NADSYN1: variants seen among roughly 807,000 people sequenced by gnomAD.
NADSYN1 encodes the protein glutamine-dependent NAD(+) synthetase.
NADSYN1 carries 80 observed loss-of-function variants against 99.3 expected under a neutral mutation model. The ratio of observed to expected loss-of-function variants is 0.81; its 90% CI spans 0.67 to 0.97. NADSYN1 has a LOEUF of 0.97. Ranked by LOEUF, NADSYN1 falls within the 50% of genes least tolerant of loss-of-function variation. NADSYN1 has a pLI of 0.00. For synonymous variants in NADSYN1, 385 were observed against 372.1 expected (o/e 1.03, Z -0.40); for missense variants, 859 against 948.5 (o/e 0.91, Z 1.24).
intron 16 of NADSYN1, among the ~76,000 whole-genome samples, chr11:71,486,796 C>CTTTT (rs57662255): frequency 6.6e-5 from 4 of 60,968 alleles, no homozygotes; most frequent in African/African-American, 2.3e-4. Context: ...GCGTGAGTGT[C>CTTTT]TTTTTTTTTT....
intron 11 of NADSYN1, 145 bp from the exon 12 acceptor site, chr11:71,481,211 C>A: frequency 1.2e-6 from 1 of 800,540 alleles, no homozygotes; most frequent in Non-Finnish European, 2.1e-6. Context: ...TCCCTTCTCA[C>A]GAGGTGCCTA....
At chr11:71,474,714 G>T (rs1434306227) in intron 9 of NADSYN1, 188 bp downstream of exon 9, 1 of 618,514 alleles carries the variant, frequency 1.6e-6, no homozygotes, top group Admixed American at 2.7e-5. Flanking sequence ...AGCCCCCGGG[G>T]GTCCCGCCTG....
intron 5 of NADSYN1, among the ~76,000 whole-genome samples, chr11:71,466,365 C>T (rs1790342): frequency 9.9e-5 from 15 of 152,206 alleles, no homozygotes; most frequent in African/African-American, 2.7e-4. Context: ...CCCTGTCTCC[C>T]AGGCCTAGTG....
chr11:71,495,367 A>G (rs1425664420), intron 18 of NADSYN1, among the ~76,000 whole-genome samples: 1 of 152,160 alleles, frequency 6.6e-6, no homozygotes, highest in Non-Finnish European at 1.5e-5. Context: ...TTTTATTCCA[A>G]TGTGGTGAGA....
chr11:71,498,168 C>G (rs747183074), intron 19 of NADSYN1, among the ~76,000 whole-genome samples, 184 bp from the exon 20 acceptor site: 5 of 152,190 alleles, frequency 3.3e-5, no homozygotes, highest in African/African-American at 1.2e-4. Flanking sequence ...AGGGGGACCC[C>G]GGTTTCATAG....
intron 9 of NADSYN1, 64 bp downstream of exon 9, chr11:71,474,590 C>G: frequency 1.2e-6 from 2 of 1,604,064 alleles, no homozygotes; most frequent in Non-Finnish European, 1.7e-6. Flanking sequence ...GCTCCTGGCT[C>G]TCCCCTGTAA....
In NADSYN1 at chr11:71,464,160, C is replaced by T. The variant is rs972883999; in HGVS notation, c.407+18C>T. 8 of 1,588,486 alleles carry T rather than the reference C, an allele frequency of 5.0e-6. No homozygotes were observed. Among genetic ancestry groups the T allele is most frequent in the Non-Finnish European group, 6.9e-6 (8 of 1,164,840 alleles). On this transcript the variant is annotated intron_variant, in intron 5 of 20. Coordinates refer to ENST00000319023, the MANE Select transcript of NADSYN1 (RefSeq NM_018161.5). ...AGGAGTCGGTGAGTCGGGTGCCTGA[C>T]CACTCCTGGGATGTGCGTTAAGCAC...
At chr11:71,473,859 A>G (rs1464886383) in intron 8 of NADSYN1, among the ~76,000 whole-genome samples, 173 bp downstream of exon 8, 1 of 152,202 alleles carries the variant, frequency 6.6e-6, no homozygotes, top group Non-Finnish European at 1.5e-5. Flanking sequence ...CTTCGCCGGC[A>G]CAGCCCATCT....
At chr11:71,472,534 C>T (rs375803425) in intron 6 of NADSYN1, 34 bp downstream of exon 6, 198 of 1,590,942 alleles carry the variant, frequency 1.2e-4, no homozygotes, top group Non-Finnish European at 1.5e-4. Context: ...GTTTTTCAGT[C>T]GGTTGTCGCT....
At chr11:71,461,726 C>A (rs182384177) in intron 3 of NADSYN1, among the ~76,000 whole-genome samples, 1 of 152,208 alleles carries the variant, frequency 6.6e-6, no homozygotes, top group Non-Finnish European at 1.5e-5. Flanking sequence ...AGCACCCAGT[C>A]GCTACACACT....
At position 71,480,325 on chromosome 11, in the gene NADSYN1, C is replaced by T. The variant is rs1457843757; in HGVS notation, c.874-430C>T. 1.1e-5 allele frequency: 2 copies of T among 180,878 alleles called. 1 individual carries two copies. Among genetic ancestry groups the T allele is most frequent in the South Asian group, 2.1e-4 (2 of 9,428 alleles). The allele number at this position is 180,878 out of a possible 1,614,324, so 11.2% of individuals were successfully genotyped here. On this transcript the variant is annotated intron_variant, in intron 10 of 20. Transcript: ENST00000319023. ...AGTAGCTGGGATTACAGGCTTCCAC[C>T]ACCATGCCCGGCTAATTTTTGTAAT...
At chr11:71,495,938 C>T (rs564762140) in intron 18 of NADSYN1, among the ~76,000 whole-genome samples, 7 of 152,310 alleles carry the variant, frequency 4.6e-5, no homozygotes, top group East Asian at 1.9e-4. Flanking sequence ...GGGGTAAAAT[C>T]GGCTCCTCTG....
chr11:71,481,777 T>C, intron 12 of NADSYN1, 146 bp from the exon 13 acceptor site: 1 of 651,484 alleles, frequency 1.5e-6, no homozygotes, highest in Non-Finnish European at 2.7e-6. Flanking sequence ...CACGTGCGGG[T>C]ATTTGTCCTG....
At chr11:71,480,364 G>A (rs534097495) in intron 10 of NADSYN1, 1 of 193,584 alleles carries the variant, frequency 5.2e-6, no homozygotes, top group African/African-American at 2.3e-5. Flanking sequence ...AGTAGAGACA[G>A]GGTTTCATCA....
chr11:71,496,957 C>T (rs1949824338), intron 18 of NADSYN1: 1 of 157,568 alleles, frequency 6.3e-6, no homozygotes, highest in Admixed American at 6.3e-5. Context: ...CTCACTGCAG[C>T]CTTGATGTCC....
intron 4 of NADSYN1, 63 bp downstream of exon 4, chr11:71,463,548 G>T: frequency 6.6e-7 from 1 of 1,505,760 alleles, no homozygotes; most frequent in Non-Finnish European, 9.2e-7. Context: ...TCAGCTGAGG[G>T]CTGCCAGGAC....
rs1282979403 is a variant in NADSYN1 at position 71,476,766 on chromosome 11, G to A, written c.799-1629G>A. The A allele has an allele frequency of 1.1e-5, 11 of 985,630 alleles. No individual in the cohort carries two copies. The Admixed American group carries it at 2.5e-4, about 22-fold the overall frequency. 61.1% of individuals were successfully genotyped at this position (985,630 alleles called of 1,614,324 possible). On this transcript the variant is annotated intron_variant, in intron 9 of 20. Transcript: ENST00000319023. ...CATTGGTGGTCGTGTTGATTGGCAG[G>A]TGTGTTGGCAATCAATCACCTGCCC...
intron 9 of NADSYN1, chr11:71,476,546 G>T (rs1949667119): frequency 3.6e-6 from 2 of 548,584 alleles, no homozygotes; most frequent in Admixed American, 6.1e-5. Flanking sequence ...CTTTTCAGGG[G>T]TTTCTTGCAC....
At chr11:71,476,379 G>GC in intron 9 of NADSYN1, 1 of 338,304 alleles carries the variant, frequency 3.0e-6, no homozygotes, top group Non-Finnish European at 5.8e-6. Context: ...GGCTGTCTGA[G>GC]CAGTTCATTG....
Sources: allele counts gnomAD v4.1 joint callset (sites outside exome capture counted in the v4.1 genomes callset), GRCh38; gene constraint gnomAD v4.1.1; transcripts MANE v1.5; gene names NCBI Gene and HGNC (gene_info 2026-07-23, HGNC 2026-07-21).